The following TMEM132D variants were observed in gnomAD, a reference collection of about 807,000 sequenced individuals.
The protein encoded by TMEM132D is transmembrane protein 132D, also known as mature OL transmembrane protein.
In TMEM132D, 21 loss-of-function variants were observed where a neutral mutation model predicts 62.3. That is an observed-to-expected ratio of 0.34 (90% CI 0.24 to 0.49). TMEM132D has a LOEUF of 0.49. Among genes scored for constraint, TMEM132D ranks in the 20% least tolerant of loss-of-function variants. The probability of loss-of-function intolerance (pLI) is 0.99; values close to 1 mark genes in which losing one functional copy is unlikely to be tolerated. For missense variants in TMEM132D, 1,346 were observed against 1,402.8 expected (o/e 0.96, Z 0.65); for synonymous variants, 621 against 575.6 (o/e 1.08, Z -1.13).
chr12:129,402,403 G>A (rs950914062), intron 3 of TMEM132D, among the ~76,000 whole-genome samples: 3 of 152,132 alleles, frequency 2.0e-5, no homozygotes, highest in South Asian at 2.1e-4. Context: ...TAGGAAGATC[G>A]GCTACAATCA....
intron 5 of TMEM132D, among the ~76,000 whole-genome samples, chr12:129,167,616 T>C (rs1877604401): frequency 6.6e-6 from 1 of 152,064 alleles, no homozygotes; most frequent in South Asian, 2.1e-4. Context: ...TTGGTGCTTC[T>C]TGATTTATCA....
intron 1 of TMEM132D, among the ~76,000 whole-genome samples, chr12:129,805,206 G>A (rs1254052380): frequency 2.6e-5 from 4 of 151,808 alleles, no homozygotes; most frequent in African/African-American, 7.3e-5. Context: ...AAGTTCATAT[G>A]GAACCAAAAA....
chr12:129,075,935 C>A (rs1874237337), intron 8 of TMEM132D, among the ~76,000 whole-genome samples: 1 of 152,138 alleles, frequency 6.6e-6, no homozygotes, highest in African/African-American at 2.4e-5. Flanking sequence ...CCCTCCCTCC[C>A]TCTCAGAGAA....
At chr12:129,413,535 T>TG (rs199757615) in intron 3 of TMEM132D, among the ~76,000 whole-genome samples, 9 of 109,790 alleles carry the variant, frequency 8.2e-5, no homozygotes, top group African/African-American at 1.4e-4. Context: ...AAAATGGATT[T>TG]GGGGGATGGT....
intron 1 of TMEM132D, among the ~76,000 whole-genome samples, chr12:129,819,287 G>A (rs575457105): frequency 2.0e-4 from 30 of 152,192 alleles, no homozygotes; most frequent in Middle Eastern, 3.4e-3. Context: ...TTCATGAGAG[G>A]ATCAAAAGGA....
chr12:129,270,044 C>T (rs528423980), intron 4 of TMEM132D, among the ~76,000 whole-genome samples: 9 of 152,228 alleles, frequency 5.9e-5, no homozygotes, highest in South Asian at 4.1e-4. Context: ...AGGCCGAGGA[C>T]GAAGGGGTCT....
intron 1 of TMEM132D, among the ~76,000 whole-genome samples, chr12:129,873,884 G>T (rs1874331802): frequency 6.6e-6 from 1 of 152,202 alleles, no homozygotes; most frequent in African/African-American, 2.4e-5. Context: ...TTTTAAAAAT[G>T]TAAAGTGAAT....
chr12:129,229,649 G>T (rs1237942056), intron 4 of TMEM132D, among the ~76,000 whole-genome samples: 1 of 152,212 alleles, frequency 6.6e-6, no homozygotes, highest in African/African-American at 2.4e-5. Flanking sequence ...AATTGGTATG[G>T]AAAGGACATA....
chr12:129,199,603 A>C (rs1005242966), intron 5 of TMEM132D, among the ~76,000 whole-genome samples: 1 of 152,220 alleles, frequency 6.6e-6, no homozygotes, highest in Non-Finnish European at 1.5e-5. Context: ...CTCTAAAGAA[A>C]TACCTGAGAC....
intron 4 of TMEM132D, among the ~76,000 whole-genome samples, chr12:129,293,194 A>G (rs1038309): frequency 0.96 from 145,421 of 152,194 alleles, 69,822 homozygotes; most frequent in Non-Finnish European, 1. Flanking sequence ...GGAGTATTGC[A>G]GAAGTAGCCC....
At chr12:129,650,074 C>T (rs1382909888) in intron 2 of TMEM132D, among the ~76,000 whole-genome samples, 2 of 152,178 alleles carry the variant, frequency 1.3e-5, no homozygotes, top group Non-Finnish European at 2.9e-5. Flanking sequence ...TCACACACCT[C>T]TCTGCCCGCT....
chr12:129,310,013 A>C (rs1004135451), intron 4 of TMEM132D, among the ~76,000 whole-genome samples: 17 of 150,722 alleles, frequency 1.1e-4, no homozygotes, highest in South Asian at 2.1e-4. Context: ...AGCATTTCCC[A>C]AAAAAAAAGT....
chr12:129,616,561 G>T (rs1257208627), intron 2 of TMEM132D, among the ~76,000 whole-genome samples: 1 of 152,186 alleles, frequency 6.6e-6, no homozygotes, highest in Admixed American at 6.5e-5. Context: ...AATCATGAGG[G>T]TGGTTACCCC....
intron 4 of TMEM132D, among the ~76,000 whole-genome samples, chr12:129,326,393 A>G (rs1317851954): frequency 6.6e-6 from 1 of 152,294 alleles, no homozygotes; most frequent in South Asian, 2.1e-4. Flanking sequence ...AGCCTGCAAA[A>G]GCTGTCATTT....
At chr12:129,506,206 T>C (rs1364597837) in intron 3 of TMEM132D, among the ~76,000 whole-genome samples, 1 of 152,226 alleles carries the variant, frequency 6.6e-6, no homozygotes, top group Non-Finnish European at 1.5e-5. Flanking sequence ...GCAGTTCTTG[T>C]AGTGCTGGTT....
intron 5 of TMEM132D, among the ~76,000 whole-genome samples, chr12:129,171,671 ACATCTC>A (rs1440959615): frequency 6.6e-6 from 1 of 152,234 alleles, no homozygotes; most frequent in Non-Finnish European, 1.5e-5. Flanking sequence ...TTCATCTCGC[ACATCTC>A]CATCAGCACT....
chr12:129,400,622 G>A (rs954701062), intron 3 of TMEM132D, among the ~76,000 whole-genome samples: 2 of 152,034 alleles, frequency 1.3e-5, no homozygotes, highest in African/African-American at 4.8e-5. Context: ...AAAACTACTG[G>A]TTCTGCCCCT....
intron 5 of TMEM132D, among the ~76,000 whole-genome samples, chr12:129,203,585 G>C (rs1270106744): frequency 2.0e-5 from 3 of 152,280 alleles, no homozygotes; most frequent in East Asian, 3.9e-4. Context: ...TAGCTCAATG[G>C]TCCTACTTCT....
intron 3 of TMEM132D, among the ~76,000 whole-genome samples, chr12:129,457,738 G>A (rs1204370269): frequency 6.6e-6 from 1 of 151,884 alleles, no homozygotes; most frequent in Non-Finnish European, 1.5e-5. Flanking sequence ...GGAGGAGAGA[G>A]AAAGAGAGTG....
Sources: allele counts gnomAD v4.1 joint callset (sites outside exome capture counted in the v4.1 genomes callset), GRCh38; gene constraint gnomAD v4.1.1; transcripts MANE v1.5; gene names NCBI Gene and HGNC (gene_info 2026-07-23, HGNC 2026-07-21).